POU3F1: variants seen among roughly 807,000 people sequenced by gnomAD.
The protein encoded by POU3F1 is POU domain, class 3, transcription factor 1.
A neutral mutation model predicts 7.6 loss-of-function variants in POU3F1; 1 was observed. The ratio of observed to expected loss-of-function variants is 0.13; its 90% CI spans 0.05 to 0.62. The LOEUF (loss-of-function observed/expected upper bound fraction) is 0.62, where lower values mean the gene tolerates loss of function less well. Among genes scored for constraint, POU3F1 ranks in the 20% least tolerant of loss-of-function variants. POU3F1 has a pLI of 0.87. For synonymous variants in POU3F1, 354 were observed against 339.0 expected (o/e 1.04, Z -0.49); for missense variants, 505 against 679.3 (o/e 0.74, Z 2.85).
chr1:38,045,660 G>A lies in POU3F1; in HGVS notation c.1084C>T (p.Pro362Ser). 6.2e-7 allele frequency: 1 copy of A among 1,613,474 alleles called. No homozygotes were observed. Among genetic ancestry groups the A allele is most frequent in the Non-Finnish European group, 8.5e-7 (1 of 1,179,804 alleles). The change falls in exon 1 of 1, where the codon CCC (proline) becomes TCC (serine). Residue 362 changes from proline to serine, a missense_variant. Physicochemically the swap from Pro to Ser is moderately conservative, Grantham distance 74. Transcript: ENST00000373012. This position sits in a 1 kb window ranked among gnomAD's most constrained non-coding sequence, Gnocchi z 9.4. ...GTGATCTCGTGCGCCGAGGGCTTGG[G>A]GCACTTGAGAAAGTGGCTCTCGAGC... ...GALESHFLKC[P>S]KPSAHEITGL...
In POU3F1 at chr1:38,046,456, G is replaced by T. The variant is rs576726172; in HGVS notation, c.288C>A (p.Gly96=). Residue 96 remains glycine (G), a synonymous_variant, in exon 1 of 1, where the codon GGC becomes GGA. Coordinates refer to ENST00000373012, the MANE Select transcript of POU3F1 (RefSeq NM_002699.4). The surrounding 1 kb of genome is among the most constrained non-coding windows in gnomAD (Gnocchi z 9.5). ...CGTCGGCTCGGCCGGTGCCGCCGCC[G>T]CCTGCCTTGCCGTGTTCTAGGTGCG... is the stretch of plus-strand genomic sequence containing the variant. ...GGPHLEHGKA[G]GGGTGRADDG... 4,037 of 1,332,700 alleles carry T rather than the reference G, an allele frequency of 3.0e-3. 112 individuals carry two copies. The African/African-American group carries it at 0.057, about 19-fold the overall frequency. 82.6% of individuals were successfully genotyped at this position (1,332,700 alleles called of 1,614,324 possible).
chr1:38,046,003 C>G lies in POU3F1; in HGVS notation c.741G>C (p.Glu247Asp). The change falls in exon 1 of 1, where the codon GAG becomes GAC. Residue 247 changes from glutamate to aspartate, a missense_variant. Around this residue, in one of 5 missense-constraint regions of POU3F1, gnomAD observed 26 missense variants for 99.9 expected, o/e 0.26. Transcript: ENST00000373012. This position sits in a 1 kb window ranked among gnomAD's most constrained non-coding sequence, Gnocchi z 9.5. ...CCAGGTCGTCCGAGCTGGGCGCATC[C>G]TCGTCCGAGTGCTCGCCCACCGATG... ...GGSSVGEHSD[E>D]DAPSSDDLEQ... 1 of 1,608,692 alleles carries G rather than the reference C, an allele frequency of 6.2e-7. No individual in the cohort carries two copies. The highest frequency in any genetic ancestry group is 8.5e-7 in the Non-Finnish European group (1 of 1,178,814).
chr1:38,046,465 G>C lies in POU3F1; in HGVS notation c.279C>G (p.Gly93=). The part of the protein sequence containing the change: ...DWAGGPHLEH[G]KAGGGGTGRA... The stretch of plus-strand genomic sequence containing the variant: ...GGCCGGTGCCGCCGCCGCCTGCCTT[G>C]CCGTGTTCTAGGTGCGGGCCGCCGG... Residue 93 remains glycine (G), a synonymous_variant, in exon 1 of 1, where the codon GGC becomes GGG. Transcript: ENST00000373012. This position sits in a 1 kb window ranked among gnomAD's most constrained non-coding sequence, Gnocchi z 9.5. The C allele has an allele frequency of 7.4e-7, 1 of 1,359,840 alleles. No homozygotes were observed. The highest frequency in any genetic ancestry group is 9.5e-7 in the Non-Finnish European group (1 of 1,054,808). The allele number at this position is 1,359,840 out of a possible 1,614,324, so 84.2% of individuals were successfully genotyped here. A position where few individuals can be genotyped will look rare whatever the true frequency, so the allele number is the denominator to read the frequency against.
In POU3F1 at chr1:38,044,127, G is replaced by A. The variant is rs558986037; in HGVS notation, c.*1261C>T. Among the ~76,000 whole-genome samples, 41 of 152,122 alleles carry A rather than the reference G, an allele frequency of 2.7e-4. No individual in the cohort carries two copies. The highest frequency in any genetic ancestry group is 2.6e-3 in the Admixed American group (39 of 15,286). On this transcript the variant is annotated 3_prime_UTR_variant, in exon 1 of 1. Transcript: ENST00000373012. ...TTAGTCAGTGTACAAAATCCTTTAGGGTAGGAAGGAAGGGTAACCCGGAAA... is the reference window on the plus strand; with the variant it reads ...TTAGTCAGTGTACAAAATCCTTTAGAGTAGGAAGGAAGGGTAACCCGGAAA...
In POU3F1 at chr1:38,046,686, C is replaced by T. The variant is rs1269035404; in HGVS notation, c.58G>A (p.Gly20Arg). Residue 20 changes from glycine to arginine, a missense_variant, in exon 1 of 1, where the codon GGG becomes AGG. This residue lies in a region of POU3F1 where 361 missense variants were observed against 382.1 expected (regional missense o/e 0.94). Transcript: ENST00000373012. This position sits in a 1 kb window ranked among gnomAD's most constrained non-coding sequence, Gnocchi z 9.5. ...GCGGCGTCCGGGTGCATAAGCGGCC[C>T]GGTGCCCCCGGCTCCGCCACCGGGG... is the stretch of plus-strand genomic sequence containing the variant. ...RGPGGGAGGT[G>R]PLMHPDAAAA... 7 of 1,205,746 alleles carry T rather than the reference C, an allele frequency of 5.8e-6. No homozygotes were observed. Among genetic ancestry groups the T allele is most frequent in the Non-Finnish European group, 7.2e-6 (7 of 976,170 alleles). 74.7% of individuals were successfully genotyped at this position (1,205,746 alleles called of 1,614,324 possible).
chr1:38,046,510 T>G lies in POU3F1; in HGVS notation c.234A>C (p.Gly78=). 7.3e-7 allele frequency: 1 copy of G among 1,378,704 alleles called. No homozygotes were observed. The allele number at this position is 1,378,704 out of a possible 1,614,324, so 85.4% of individuals were successfully genotyped here. ...LAHPQWLPTG[G]GGGGDWAGGP... The stretch of plus-strand genomic sequence containing the variant: ...CGCCGGCCCAATCGCCGCCGCCGCC[T>G]CCTCCCGTGGGTAGCCACTGGGGGT... The change falls in exon 1 of 1, where the codon GGA becomes GGC. Residue 78 remains glycine, a synonymous_variant. Coordinates refer to ENST00000373012, the MANE Select transcript of POU3F1 (RefSeq NM_002699.4). This position sits in a 1 kb window ranked among gnomAD's most constrained non-coding sequence, Gnocchi z 9.5.
chr1:38,045,760 G>A lies in POU3F1; in HGVS notation c.984C>T (p.Thr328=). The part of the protein sequence containing the change: ...EETDSSSGSP[T]NLDKIAAQGR... ...CCTGCGCCGCGATCTTGTCCAGGTT[G>A]GTGGGGCTGCCGCTGGACGAGTCGG... is the stretch of plus-strand genomic sequence containing the variant. The change falls in exon 1 of 1, where the codon ACC becomes ACT. Residue 328 remains threonine, a synonymous_variant. Coordinates refer to ENST00000373012, the MANE Select transcript of POU3F1 (RefSeq NM_002699.4). The surrounding 1 kb of genome is among the most constrained non-coding windows in gnomAD (Gnocchi z 9.4). The A allele has an allele frequency of 1.9e-6, 3 of 1,613,670 alleles. No homozygotes were observed. Among genetic ancestry groups the A allele is most frequent in the Non-Finnish European group, 1.7e-6 (2 of 1,179,864 alleles).
Position 38,046,085 on chromosome 1 carries a change from G to A in POU3F1, c.659C>T (p.Ala220Val). 1.4e-6 allele frequency: 2 copies of A among 1,461,460 alleles called. No homozygotes were observed. Among genetic ancestry groups the A allele is most frequent in the Non-Finnish European group, 1.8e-6 (2 of 1,116,416 alleles). The allele number at this position is 1,461,460 out of a possible 1,614,324, so 90.5% of individuals were successfully genotyped here. The change falls in exon 1 of 1, where the codon GCG becomes GTG. Residue 220 changes from alanine to valine, a missense_variant. Transcript: ENST00000373012. The surrounding 1 kb of genome is among the most constrained non-coding windows in gnomAD (Gnocchi z 9.5). ...CGCCGCCGCCGCGTGCAGGCCGCCCGCGTGTGCATGTCCGTGTGCGTGTCC... is the reference window on the plus strand; with the variant it reads ...CGCCGCCGCCGCGTGCAGGCCGCCCACGTGTGCATGTCCGTGTGCGTGTCC... ...AHGHAHGHAH[A>V]GGLHAAAAHL...
In POU3F1 at chr1:38,045,411, T is replaced by TGTGGTGGTG; in HGVS notation, c.1324_1332dup (p.His442_His444dup). The TGTGGTGGTG allele has an allele frequency of 7.0e-7, 1 of 1,419,192 alleles. No individual in the cohort carries two copies. The highest frequency in any genetic ancestry group is 9.1e-7 in the Non-Finnish European group (1 of 1,094,596). 87.9% of individuals were successfully genotyped at this position (1,419,192 alleles called of 1,614,324 possible). ...GGTCACTGCACTGAGCCGGGCAGTG[T>TGTGGTGGTG]GTGGTGGTGGTGGTGGTGCAGCGCC... On this transcript the variant is annotated inframe_insertion, in exon 1 of 1. Transcript: ENST00000373012. The surrounding 1 kb of genome is among the most constrained non-coding windows in gnomAD (Gnocchi z 9.4).
Position 38,045,321 on chromosome 1 carries a change from C to T in POU3F1, c.*67G>A. ...TCCAAAGCAACCGAACAAAAAGAGTCCAGGCCGCGCGGGCGGGCTGCGCGC... is the reference window on the plus strand; with the variant it reads ...TCCAAAGCAACCGAACAAAAAGAGTTCAGGCCGCGCGGGCGGGCTGCGCGC... On this transcript the variant is annotated 3_prime_UTR_variant, in exon 1 of 1. Transcript: ENST00000373012. This position sits in a 1 kb window ranked among gnomAD's most constrained non-coding sequence, Gnocchi z 9.4. The T allele has an allele frequency of 1.8e-6, 1 of 564,722 alleles. No individual in the cohort carries two copies. Among genetic ancestry groups the T allele is most frequent in the Non-Finnish European group, 2.3e-6 (1 of 430,530 alleles). 35.0% of individuals were successfully genotyped at this position (564,722 alleles called of 1,614,324 possible). A position where few individuals can be genotyped will look rare whatever the true frequency, so the allele number is the denominator to read the frequency against.
At position 38,045,893 on chromosome 1, in the gene POU3F1, T is replaced by C; in HGVS notation, c.851A>G (p.Tyr284Cys). The C allele has an allele frequency of 6.2e-7, 1 of 1,613,766 alleles. No individual in the cohort carries two copies. The highest frequency in any genetic ancestry group is 8.5e-7 in the Non-Finnish European group (1 of 1,179,990). Residue 284 changes from tyrosine to cysteine, a missense_variant, in exon 1 of 1, where the codon TAC becomes TGC. Physicochemically the swap from Tyr to Cys is radical, Grantham distance 194 (BLOSUM62 -2). Transcript: ENST00000373012. The surrounding 1 kb of genome is among the most constrained non-coding windows in gnomAD (Gnocchi z 9.4). ...GGTGGTCTGCGAGAACACGTTACCGTAGAGCGTGCCCAGCGCCAGCCCCAC... is the reference window on the plus strand; with the variant it reads ...GGTGGTCTGCGAGAACACGTTACCGCAGAGCGTGCCCAGCGCCAGCCCCAC... ...ADVGLALGTL[Y>C]GNVFSQTTIC...
Position 38,046,691 on chromosome 1 carries a change from C to G in POU3F1, c.53G>C (p.Gly18Ala). ...LPRGPGGGAG[G>A]TGPLMHPDAA... ...GTCCGGGTGCATAAGCGGCCCGGTG[C>G]CCCCGGCTCCGCCACCGGGGCCCCG... The change falls in exon 1 of 1, where the codon GGC becomes GCC. Residue 18 changes from glycine (G) to alanine (A), a missense_variant. Gly to Ala is a moderately conservative substitution (Grantham distance 60). Coordinates refer to ENST00000373012, the MANE Select transcript of POU3F1 (RefSeq NM_002699.4). This position sits in a 1 kb window ranked among gnomAD's most constrained non-coding sequence, Gnocchi z 9.5. 8.4e-7 allele frequency: 1 copy of G among 1,191,090 alleles called. No homozygotes were observed. The highest frequency in any genetic ancestry group is 1.0e-6 in the Non-Finnish European group (1 of 967,630). 73.8% of individuals were successfully genotyped at this position (1,191,090 alleles called of 1,614,324 possible).
At position 38,045,457 on chromosome 1, in the gene POU3F1, C is replaced by A. The variant is rs749306128; in HGVS notation, c.1287G>T (p.Ala429=). 2.8e-6 allele frequency: 4 copies of A among 1,450,334 alleles called. No homozygotes were observed. The African/African-American group carries it at 4.3e-5, about 16-fold the overall frequency. 89.8% of individuals were successfully genotyped at this position (1,450,334 alleles called of 1,614,324 possible). The stretch of plus-strand genomic sequence containing the variant: ...GCGCCGCCGGCGGGGGCGGTGGGGG[C>A]GCGGAGGGTGGCGATGCGCCGCCCC... ...PGGGGASPPS[A]PPPPPPAALH... The change falls in exon 1 of 1, where the codon GCG becomes GCT. Residue 429 remains alanine, a synonymous_variant. Transcript: ENST00000373012. The surrounding 1 kb of genome is among the most constrained non-coding windows in gnomAD (Gnocchi z 9.4).
In POU3F1 at chr1:38,045,303, C is replaced by T. The variant is rs1285953934; in HGVS notation, c.*85G>A. 1.3e-5 allele frequency: 5 copies of T among 393,186 alleles called. No individual in the cohort carries two copies. Among genetic ancestry groups the T allele is most frequent in the African/African-American group, 4.5e-5 (2 of 44,816 alleles). 24.4% of individuals were successfully genotyped at this position (393,186 alleles called of 1,614,324 possible). The stretch of plus-strand genomic sequence containing the variant: ...TTTTTTTTTTTTGTAAAATCCAAAG[C>T]AACCGAACAAAAAGAGTCCAGGCCG... On this transcript the variant is annotated 3_prime_UTR_variant, in exon 1 of 1. Transcript: ENST00000373012. The surrounding 1 kb of genome is among the most constrained non-coding windows in gnomAD (Gnocchi z 9.4).
chr1:38,046,751 C>G lies in POU3F1; in HGVS notation c.-8G>C, dbSNP rs1646865693. ...CTGCGCGGTGGTGGCCATGCCGCCC[C>G]GCGCCCTGCGCCGCGCCGCCGCCGC... On this transcript the variant is annotated 5_prime_UTR_variant, in exon 1 of 1. Transcript: ENST00000373012. The surrounding 1 kb of genome is among the most constrained non-coding windows in gnomAD (Gnocchi z 9.5). 1.0e-6 allele frequency: 1 copy of G among 992,704 alleles called. No homozygotes were observed. Among genetic ancestry groups the G allele is most frequent in the South Asian group, 4.5e-5 (1 of 22,152 alleles). The allele number at this position is 992,704 out of a possible 1,614,324, so 61.5% of individuals were successfully genotyped here.
Position 38,045,411 on chromosome 1 carries a change from TGTG to T in POU3F1, c.1330_1332del (p.His444del), listed in dbSNP as rs1162178001. 1.4e-4 allele frequency: 192 copies of T among 1,408,816 alleles called. No individual in the cohort carries two copies. Among genetic ancestry groups the T allele is most frequent in the Admixed American group, 6.4e-4 (21 of 32,872 alleles). 87.3% of individuals were successfully genotyped at this position (1,408,816 alleles called of 1,614,324 possible). On this transcript the variant is annotated inframe_deletion, in exon 1 of 1. Coordinates refer to ENST00000373012, the MANE Select transcript of POU3F1 (RefSeq NM_002699.4). This position sits in a 1 kb window ranked among gnomAD's most constrained non-coding sequence, Gnocchi z 9.4. ...GGTCACTGCACTGAGCCGGGCAGTG[TGTG>T]GTGGTGGTGGTGGTGCAGCGCCGCC...
chr1:38,044,331 C>A lies in POU3F1; in HGVS notation c.*1057G>T, dbSNP rs1254919567. ...CAGAGGGAAGCTGCAGGGAATCAGG[C>A]GGAGGGTTCTCAGGGAACGGCTTAT... On this transcript the variant is annotated 3_prime_UTR_variant, in exon 1 of 1. Transcript: ENST00000373012. 6.6e-6 allele frequency among the ~76,000 whole-genome samples: 1 copy of A among 152,266 alleles called. No homozygotes were observed. The highest frequency in any genetic ancestry group is 6.5e-5 in the Admixed American group (1 of 15,290).
Position 38,046,726 on chromosome 1 carries a change from C to G in POU3F1, c.18G>C (p.Gln6His). Residue 6 changes from glutamine (Q) to histidine (H), a missense_variant, in exon 1 of 1, where the codon CAG becomes CAC. Physicochemically the swap from Gln to His is conservative, Grantham distance 24. Transcript: ENST00000373012. This position sits in a 1 kb window ranked among gnomAD's most constrained non-coding sequence, Gnocchi z 9.5. MATTA[Q>H]YLPRGPGGGA... ...CGCCACCGGGGCCCCGCGGCAGGTACTGCGCGGTGGTGGCCATGCCGCCCC... is the reference window on the plus strand; with the variant it reads ...CGCCACCGGGGCCCCGCGGCAGGTAGTGCGCGGTGGTGGCCATGCCGCCCC... The G allele has an allele frequency of 9.0e-7, 1 of 1,115,412 alleles. No individual in the cohort carries two copies. Among genetic ancestry groups the G allele is most frequent in the Non-Finnish European group, 1.1e-6 (1 of 919,400 alleles). The allele number at this position is 1,115,412 out of a possible 1,614,324, so 69.1% of individuals were successfully genotyped here.
Position 38,046,513 on chromosome 1 carries a change from T to G in POU3F1, c.231A>C (p.Gly77=), listed in dbSNP as rs1027319495. The G allele has an allele frequency of 3.6e-6, 5 of 1,378,578 alleles. No homozygotes were observed. The highest frequency in any genetic ancestry group is 3.8e-6 in the Non-Finnish European group (4 of 1,066,074). The allele number at this position is 1,378,578 out of a possible 1,614,324, so 85.4% of individuals were successfully genotyped here. Residue 77 remains glycine, a synonymous_variant, in exon 1 of 1, where the codon GGA becomes GGC. Coordinates refer to ENST00000373012, the MANE Select transcript of POU3F1 (RefSeq NM_002699.4). This position sits in a 1 kb window ranked among gnomAD's most constrained non-coding sequence, Gnocchi z 9.5. ...CGGCCCAATCGCCGCCGCCGCCTCC[T>G]CCCGTGGGTAGCCACTGGGGGTGCG... ...GLAHPQWLPT[G]GGGGGDWAGG...
Sources: gnomAD v4.1 joint callset for allele counts (sites outside exome capture counted in the v4.1 genomes callset) on GRCh38, gnomAD v4.1.1 for gene constraint, gnomAD v4.1.1 regional missense constraint, Gnocchi (gnomAD v3.1) non-coding constraint, MANE v1.5 for transcripts, NCBI Gene and HGNC (gene_info 2026-07-23, HGNC 2026-07-21) for gene names.